HMCN1: variants seen among roughly 807,000 people sequenced by gnomAD.
HMCN1 encodes the protein hemicentin 1.
Under a neutral mutation model 625.9 loss-of-function variants are expected in HMCN1, and 321 were observed. The ratio of observed to expected loss-of-function variants is 0.51; its 90% CI spans 0.47 to 0.56. The LOEUF is 0.56. Ranked by LOEUF, HMCN1 falls within the 20% of genes least tolerant of loss-of-function variation. The pLI is 0.00. For missense variants in HMCN1, 6,588 were observed against 6,887.3 expected (o/e 0.96, Z 1.54); for synonymous variants, 2,425 against 2,417.6 (o/e 1.00, Z -0.09).
At chr1:185,867,393 A>G (rs547172085) in intron 4 of HMCN1, among the ~76,000 whole-genome samples, 1 of 152,190 alleles carries the variant, frequency 6.6e-6, no homozygotes, top group Non-Finnish European at 1.5e-5. Context: ...TCCTTGTCCT[A>G]TCTCATACAC....
intron 4 of HMCN1, among the ~76,000 whole-genome samples, chr1:185,896,402 AAC>A (rs769043881): frequency 1.5e-4 from 19 of 127,032 alleles, no homozygotes; most frequent in Non-Finnish European, 2.8e-4. Flanking sequence ...TGTGTGTAAG[AAC>A]ACACAAAAAC....
At chr1:186,049,539 T>G (rs765078659) in intron 42 of HMCN1, among the ~76,000 whole-genome samples, 4 of 151,986 alleles carry the variant, frequency 2.6e-5, no homozygotes, top group Non-Finnish European at 5.9e-5. Context: ...ATTCTTATAG[T>G]CACAACTTTT....
chr1:185,877,032 T>C (rs1309409741), intron 4 of HMCN1, among the ~76,000 whole-genome samples: 2 of 152,128 alleles, frequency 1.3e-5, no homozygotes, highest in Non-Finnish European at 2.9e-5. Context: ...AGAATTTTTA[T>C]AGTTTCAGGT....
intron 97 of HMCN1, among the ~76,000 whole-genome samples, chr1:186,159,850 A>C (rs965902572): frequency 2.6e-5 from 4 of 152,170 alleles, no homozygotes; most frequent in Non-Finnish European, 4.4e-5. Context: ...TTTTTGCATC[A>C]ATGTTCATCA....
At chr1:186,145,350 C>A in intron 91 of HMCN1, 53 bp from the exon 92 acceptor site, 2 of 1,486,194 alleles carry the variant, frequency 1.3e-6, no homozygotes, top group Non-Finnish European at 1.8e-6. Flanking sequence ...TCATTGTTGA[C>A]CACTTCTCAT....
intron 1 of HMCN1, among the ~76,000 whole-genome samples, chr1:185,837,002 C>T (rs1247675046): frequency 7.1e-6 from 1 of 140,110 alleles, no homozygotes; most frequent in African/African-American, 2.9e-5. Context: ...GTGTATATTC[C>T]ATGGTGTGTG....
At chr1:186,013,134 G>A (rs1209013459) in intron 30 of HMCN1, among the ~76,000 whole-genome samples, 2 of 152,022 alleles carry the variant, frequency 1.3e-5, no homozygotes, top group African/African-American at 4.8e-5. Context: ...ACCGTATTTG[G>A]TTTTTGCTTT....
Position 186,136,565 on chromosome 1 carries a change from C to G in HMCN1, c.13313-103C>G, listed in dbSNP as rs1649616636. The stretch of plus-strand genomic sequence containing the variant: ...TTGGGAAGCAACAGTGTTTTATAAA[C>G]AAATCAATCACTTTTTTCAAAATAA... On this transcript the variant is annotated intron_variant, in intron 86 of 106. Transcript: ENST00000271588. The G allele has an allele frequency of 2.3e-5, 25 of 1,067,744 alleles. No homozygotes were observed. In the South Asian group the frequency reaches 2.8e-4, roughly 12 times the overall value. 66.1% of individuals were successfully genotyped at this position (1,067,744 alleles called of 1,614,324 possible).
intron 86 of HMCN1, among the ~76,000 whole-genome samples, chr1:186,134,524 A>G (rs1558249162): frequency 1.3e-5 from 2 of 152,154 alleles, no homozygotes; most frequent in Admixed American, 1.3e-4. Context: ...GTTAGAAGGC[A>G]TTGTGTAGGG....
At chr1:185,913,847 C>T (rs563847290) in intron 6 of HMCN1, among the ~76,000 whole-genome samples, 44 of 152,206 alleles carry the variant, frequency 2.9e-4, no homozygotes, top group East Asian at 1.7e-3. Flanking sequence ...ATGGACATTA[C>T]GCACATTTTA....
intron 11 of HMCN1, among the ~76,000 whole-genome samples, chr1:185,951,517 T>C (rs1219474651): frequency 1.3e-5 from 2 of 150,068 alleles, no homozygotes; most frequent in African/African-American, 4.9e-5. Context: ...TCAGTGTCCA[T>C]GATGGTCTAG....
At chr1:185,851,910 A>G (rs1057318924) in intron 2 of HMCN1, among the ~76,000 whole-genome samples, 1 of 152,020 alleles carries the variant, frequency 6.6e-6, no homozygotes, top group Non-Finnish European at 1.5e-5. Context: ...TGATCCCCCA[A>G]ATCAAAAGCT....
intron 104 of HMCN1, 46 bp from the exon 105 acceptor site, chr1:186,182,119 TCTG>T (rs770693581): frequency 1.2e-6 from 2 of 1,609,168 alleles, no homozygotes; most frequent in East Asian, 2.2e-5. Flanking sequence ...TGTCACAGTG[TCTG>T]CTTTTTTCTT....
chr1:186,130,601 C>T lies in HMCN1; in HGVS notation c.13134C>T (p.Thr4378=), dbSNP rs1661880230. 1 of 1,613,430 alleles carries T rather than the reference C, an allele frequency of 6.2e-7. No individual in the cohort carries two copies. Among genetic ancestry groups the T allele is most frequent in the African/African-American group, 1.3e-5 (1 of 74,856 alleles). ...ILNCEVKGDP[T]PTIQWNRKGV... ...ATTGTGAGGTGAAAGGAGACCCCAC[C>T]CCAACCATCCAGTGGAACAGAAAGG... Residue 4378 remains threonine, a synonymous_variant, in exon 85 of 107, where the codon ACC becomes ACT. Transcript: ENST00000271588.
intron 6 of HMCN1, among the ~76,000 whole-genome samples, chr1:185,916,046 G>A (rs73062159): frequency 0.01 from 1,547 of 150,274 alleles, 25 homozygotes; most frequent in African/African-American, 0.037. Flanking sequence ...ATGTATATGT[G>A]TGTGCATATG....
At chr1:185,788,789 A>ATT (rs11374278) in intron 1 of HMCN1, among the ~76,000 whole-genome samples, 4,574 of 151,098 alleles carry the variant, frequency 0.03, 247 homozygotes, top group African/African-American at 0.11. Context: ...TTTTTAATGG[A>ATT]TTTTTTTTTC....
At chr1:186,126,459 GA>G (rs529272612) in intron 82 of HMCN1, among the ~76,000 whole-genome samples, 2 of 152,020 alleles carry the variant, frequency 1.3e-5, no homozygotes, top group Non-Finnish European at 2.9e-5. Flanking sequence ...TAAGTCAGAA[GA>G]AAAAAGTGGC....
At chr1:186,062,478 A>C in intron 47 of HMCN1, 36 bp from the exon 48 acceptor site, 2 of 1,250,064 alleles carry the variant, frequency 1.6e-6, no homozygotes, top group Non-Finnish European at 2.4e-6. Context: ...CTTTGCTGTT[A>C]AGAGCTGTTA....
chr1:185,810,450 A>G (rs1484115814), intron 1 of HMCN1, among the ~76,000 whole-genome samples: 2 of 152,192 alleles, frequency 1.3e-5, no homozygotes, highest in Admixed American at 6.5e-5. Flanking sequence ...ACTCAGTTAT[A>G]AGAAAAGCTG....
Sources: gnomAD v4.1 joint callset for allele counts (sites outside exome capture counted in the v4.1 genomes callset) on GRCh38, gnomAD v4.1.1 for gene constraint, MANE v1.5 for transcripts, NCBI Gene and HGNC (gene_info 2026-07-23, HGNC 2026-07-21) for gene names.